The following KICS2 variants were observed in gnomAD, a reference collection of about 807,000 sequenced individuals.
KICS2 encodes KICSTOR complex protein C12orf66.
Under a neutral mutation model 31.4 loss-of-function variants are expected in KICS2, and 13 were observed. The observed-to-expected ratio is 0.41, with a 90% CI of 0.27 to 0.66. The LOEUF is 0.66. Ranked by LOEUF, KICS2 falls within the 30% of genes least tolerant of loss-of-function variation. The pLI is 0.28. For synonymous variants in KICS2, 209 were observed against 214.8 expected, an observed-to-expected ratio of 0.97 and a Z score of 0.24; for missense variants, 455 against 545.4, an observed-to-expected ratio of 0.83 and a Z score of 1.65.
At chr12:64,201,371 C>T (rs373901346) in intron 2 of KICS2, among the ~76,000 whole-genome samples, 5 of 90,380 alleles carry the variant, frequency 5.5e-5, no homozygotes, top group South Asian at 4.8e-4. Flanking sequence ...AACCAAACAC[C>T]GCATATTCTC....
rs1162034984 is a variant in KICS2 at position 64,192,963 on chromosome 12, T to C, written c.*879A>G. ...AAAAGTAGGCTATGTTGCATGAGTA[T>C]CTAAAAGTGGCTGAAAAACCGACTG... is the stretch of plus-strand genomic sequence containing the variant. On this transcript the variant is annotated 3_prime_UTR_variant, in exon 3 of 3. Transcript: ENST00000398055. 1 of 985,312 alleles carries C rather than the reference T, an allele frequency of 1.0e-6. No individual in the cohort carries two copies. The highest frequency in any genetic ancestry group is 1.2e-6 in the Non-Finnish European group (1 of 829,940). 61.0% of individuals were successfully genotyped at this position (985,312 alleles called of 1,614,324 possible).
chr12:64,187,723 G>T, downstream of KICS2: 1 of 1,287,788 alleles, frequency 7.8e-7, no homozygotes, highest in Non-Finnish European at 1.1e-6. Flanking sequence ...GAGTCACATA[G>T]CATGTTTTTT....
At chr12:64,187,204 T>C (rs2643665), downstream of KICS2, 85,171 of 165,542 alleles carry the variant, frequency 0.51, 22,270 homozygotes, top group African/African-American at 0.59. Context: ...CCTAGATCAA[T>C]GTCAAGCGCC....
At chr12:64,216,056 C>T in intron 1 of KICS2, 93 bp from the exon 2 acceptor site, 1 of 1,194,030 alleles carries the variant, frequency 8.4e-7, no homozygotes, top group South Asian at 1.6e-5. Context: ...AGAATCCAAA[C>T]CCATTGAGCT....
At chr12:64,216,058 C>T in intron 1 of KICS2, 95 bp from the exon 2 acceptor site, 1 of 1,169,808 alleles carries the variant, frequency 8.5e-7, no homozygotes, top group South Asian at 1.6e-5. Flanking sequence ...AATCCAAACC[C>T]ATTGAGCTCA....
At chr12:64,200,199 AACTAT>A (rs2037476538) in intron 2 of KICS2, among the ~76,000 whole-genome samples, 1 of 130,174 alleles carries the variant, frequency 7.7e-6, no homozygotes, top group African/African-American at 3.0e-5. Context: ...CCTGACTTCA[AACTAT>A]ACTACAAGGC....
Position 64,191,281 on chromosome 12 carries a change from TAC to T in KICS2, c.*2559_*2560del, listed in dbSNP as rs1331145465. 1 of 152,224 alleles carries T rather than the reference TAC, an allele frequency of 6.6e-6. No homozygotes were observed. The highest frequency in any genetic ancestry group is 2.4e-5 in the African/African-American group (1 of 41,444). The allele number at this position is 152,224 out of a possible 1,614,324, so 9.4% of individuals were successfully genotyped here. A position where few individuals can be genotyped will look rare whatever the true frequency, so the allele number is the denominator to read the frequency against. On this transcript the variant is annotated 3_prime_UTR_variant, in exon 3 of 3. Transcript: ENST00000398055. ...ATTCAATCTTCAAAAACTCTTCCAGTACAGTCTATGACAGCTGCACAGTAATA... is the reference window on the plus strand; with the variant it reads ...ATTCAATCTTCAAAAACTCTTCCAGTAGTCTATGACAGCTGCACAGTAATA...
chr12:64,202,585 T>G (rs2037499969), intron 2 of KICS2, among the ~76,000 whole-genome samples: 1 of 150,152 alleles, frequency 6.7e-6, no homozygotes, highest in Non-Finnish European at 1.5e-5. Flanking sequence ...CAGCTATTAC[T>G]TCCGCTATTG....
intron 1 of KICS2, among the ~76,000 whole-genome samples, chr12:64,219,854 G>A (rs371389998): frequency 2.3e-4 from 35 of 151,984 alleles, no homozygotes; most frequent in African/African-American, 8.5e-4. Flanking sequence ...TTTTTGTTTT[G>A]CTTTCTAAAG....
chr12:64,216,011 G>GC, intron 1 of KICS2, 48 bp from the exon 2 acceptor site: 1 of 1,510,358 alleles, frequency 6.6e-7, no homozygotes, highest in South Asian at 1.2e-5. Flanking sequence ...AGGAGAAACC[G>GC]TAAGTACCAA....
chr12:64,201,759 C>T (rs945576737), intron 2 of KICS2, among the ~76,000 whole-genome samples: 2 of 148,762 alleles, frequency 1.3e-5, no homozygotes, highest in African/African-American at 4.9e-5. Flanking sequence ...ACGAGAATTG[C>T]TTGAACCTGG....
rs1466005859 is a variant in KICS2, at chr12:64,194,575, G to A, written c.605C>T (p.Ala202Val). The stretch of plus-strand genomic sequence containing the variant: ...GAGGAACTTCCACTCTGAGACCTGG[G>A]CCTGGGCTTTCAGGAGATGACACAG... Reference protein sequence around the residue: ...DVLCHLLKAQAQVSEWKFLPS... With the variant: ...DVLCHLLKAQVQVSEWKFLPS... Residue 202 changes from alanine to valine, a missense_variant, in exon 3 of 3, where the codon GCC (alanine) becomes GTC (valine). Physicochemically the swap from Ala to Val is moderately conservative, Grantham distance 64. Transcript: ENST00000398055. 6 of 1,614,018 alleles carry A rather than the reference G, an allele frequency of 3.7e-6. No homozygotes were observed. Among genetic ancestry groups the A allele is most frequent in the African/African-American group, 2.7e-5 (2 of 74,880 alleles).
At position 64,215,926 on chromosome 12, in the gene KICS2, G is replaced by A. The variant is rs2037624438; in HGVS notation, c.273C>T (p.Arg91=). The change falls in exon 2 of 3, where the codon CGC becomes CGT. Residue 91 remains arginine, a synonymous_variant. Coordinates refer to ENST00000398055, the MANE Select transcript of KICS2 (RefSeq NM_152440.5). ...CATTATGCAATGAAGTATAGATGGT[G>A]CGGATGGAATCCTTCCTGCTGAAGA... is the stretch of plus-strand genomic sequence containing the variant. ...QSFFSRKDSI[R]TIYTSLHNEL... 1 of 1,613,702 alleles carries A rather than the reference G, an allele frequency of 6.2e-7. No homozygotes were observed. The highest frequency in any genetic ancestry group is 1.7e-5 in the Admixed American group (1 of 59,974).
intron 1 of KICS2, among the ~76,000 whole-genome samples, chr12:64,219,932 G>A (rs1263450055): frequency 2.6e-5 from 4 of 152,108 alleles, no homozygotes; most frequent in Non-Finnish European, 5.9e-5. Context: ...ATGGCAACAC[G>A]AAAGTTTTCT....
rs1171135460 is a variant in KICS2 at position 64,193,430 on chromosome 12, C to T, written c.*412G>A. ...ATATAGTTCTTAATTCTAAAAAGGC[C>T]ATTTAATATCTCATCCCTATTACTC... is the stretch of plus-strand genomic sequence containing the variant. On this transcript the variant is annotated 3_prime_UTR_variant, in exon 3 of 3. Transcript: ENST00000398055. The T allele has an allele frequency of 1.0e-5, 10 of 989,812 alleles. No individual in the cohort carries two copies. The highest frequency in any genetic ancestry group is 1.1e-5 in the Non-Finnish European group (9 of 833,244). The allele number at this position is 989,812 out of a possible 1,614,324, so 61.3% of individuals were successfully genotyped here. A position where few individuals can be genotyped will look rare whatever the true frequency, so the allele number is the denominator to read the frequency against.
At chr12:64,216,055 AC>A (rs1244547155) in intron 1 of KICS2, 92 bp from the exon 2 acceptor site, 8 of 1,193,472 alleles carry the variant, frequency 6.7e-6, no homozygotes, top group Non-Finnish European at 9.1e-6. Flanking sequence ...AAGAATCCAA[AC>A]CCATTGAGCT....
intron 1 of KICS2, among the ~76,000 whole-genome samples, chr12:64,217,198 G>C (rs2037637441): frequency 1.3e-5 from 2 of 152,124 alleles, no homozygotes; most frequent in Non-Finnish European, 2.9e-5. Flanking sequence ...TTTAGCACTA[G>C]AAGTCTAGCT....
chr12:64,187,329 CTA>C, downstream of KICS2: 1 of 397,562 alleles, frequency 2.5e-6, no homozygotes, highest in Non-Finnish European at 4.5e-6. Context: ...ACTTAGAACC[CTA>C]ACCCCAGATT....
In KICS2 at chr12:64,193,922, T is replaced by C. The variant is rs1231407567; in HGVS notation, c.1258A>G (p.Ile420Val). 2 of 1,614,188 alleles carry C rather than the reference T, an allele frequency of 1.2e-6. No homozygotes were observed. The highest frequency in any genetic ancestry group is 1.7e-6 in the Non-Finnish European group (2 of 1,180,038). ...SKKSERDSHF[I>V]SFLNEVSLAL... ...AGTGAGACCTCATTGAGGAAGGAAA[T>C]AAAGTGGGAGTCTCTCTCAGATTTC... Residue 420 changes from isoleucine to valine, a missense_variant, in exon 3 of 3, where the codon ATT (isoleucine) becomes GTT (valine). Transcript: ENST00000398055.
Sources: allele counts gnomAD v4.1 joint callset (sites outside exome capture counted in the v4.1 genomes callset), GRCh38; gene constraint gnomAD v4.1.1; transcripts MANE v1.5; gene names NCBI Gene and HGNC (gene_info 2026-07-23, HGNC 2026-07-21).